The following PACRG variants were observed in gnomAD, a reference collection of about 807,000 sequenced individuals.
PACRG encodes the protein parkin coregulated gene protein.
In PACRG, 29 loss-of-function variants were observed where a neutral mutation model predicts 29.7. That is an observed-to-expected ratio of 0.98 (90% CI 0.73 to 1.33). The LOEUF is 1.33. PACRG is among the 40% of genes most tolerant of loss of function. The probability of loss-of-function intolerance (pLI) is 0.00; values close to 1 mark genes in which losing one functional copy is unlikely to be tolerated. For synonymous variants in PACRG, 116 were observed against 118.7 expected (o/e 0.98, Z 0.15); for missense variants, 279 against 316.2 (o/e 0.88, Z 0.89).
chr6:162,877,577 A>C (rs1484670033), intron 2 of PACRG, among the ~76,000 whole-genome samples: 1 of 151,484 alleles, frequency 6.6e-6, no homozygotes, highest in Non-Finnish European at 1.5e-5. Flanking sequence ...CAGAACTTAA[A>C]ATATAATAAT....
chr6:163,173,728 A>G (rs73784519), intron 4 of PACRG, among the ~76,000 whole-genome samples: 15,192 of 152,212 alleles, frequency 0.1, 1,765 homozygotes, highest in African/African-American at 0.28. Context: ...TCCACCCTGA[A>G]AACTAGAGGG....
At chr6:163,241,017 G>A (rs1050117954) in intron 4 of PACRG, among the ~76,000 whole-genome samples, 1 of 152,096 alleles carries the variant, frequency 6.6e-6, no homozygotes, top group Non-Finnish European at 1.5e-5. Context: ...TTCTCAAAAG[G>A]CAACTCAAGT....
At chr6:162,981,244 C>A (rs1447951384) in intron 2 of PACRG, among the ~76,000 whole-genome samples, 4 of 150,256 alleles carry the variant, frequency 2.7e-5, no homozygotes, top group Non-Finnish European at 4.4e-5. Flanking sequence ...GAGTAGTATT[C>A]CATGGTGTAT....
chr6:162,936,918 A>G (rs920129507), intron 2 of PACRG, among the ~76,000 whole-genome samples: 1 of 152,182 alleles, frequency 6.6e-6, no homozygotes, highest in African/African-American at 2.4e-5. Context: ...TAAGCATTCA[A>G]TAGAGAGAGG....
intron 4 of PACRG, among the ~76,000 whole-genome samples, chr6:163,241,157 T>C (rs374975861): frequency 1.1e-4 from 16 of 152,290 alleles, no homozygotes; most frequent in African/African-American, 3.9e-4. Flanking sequence ...TAAATTTCAT[T>C]ACCTGAGAGA....
intron 4 of PACRG, among the ~76,000 whole-genome samples, chr6:163,199,449 C>A (rs1223722205): frequency 1.3e-5 from 2 of 152,194 alleles, no homozygotes; most frequent in East Asian, 3.9e-4. Flanking sequence ...AGGCTCATGA[C>A]AACCCTATAA....
At chr6:163,217,216 A>G (rs1020007340) in intron 4 of PACRG, among the ~76,000 whole-genome samples, 1 of 152,206 alleles carries the variant, frequency 6.6e-6, no homozygotes, top group Non-Finnish European at 1.5e-5. Context: ...GTGCAGCCCG[A>G]TTGTTGTAGG....
chr6:163,032,106 TAGAG>T (rs1274103667), intron 2 of PACRG, among the ~76,000 whole-genome samples: 4 of 152,200 alleles, frequency 2.6e-5, no homozygotes, highest in Non-Finnish European at 5.9e-5. Flanking sequence ...AGAAATCAGA[TAGAG>T]AGAAACAAAT....
At position 163,272,334 on chromosome 6, in the gene PACRG, G is replaced by T. The variant is rs114181021; in HGVS notation, c.614-42493G>T. Among the ~76,000 whole-genome samples the T allele has an allele frequency of 6.7e-3, 1,014 of 152,190 alleles. 12 individuals are homozygous for T. Among genetic ancestry groups the T allele is most frequent in the African/African-American group, 0.023 (968 of 41,528 alleles). ...TTACAGGCGTAAGCCACCGCGCCCG[G>T]CCTGTGTATTAATTTTCAACCCTAC... On this transcript the variant is annotated intron_variant, in intron 4 of 4. Coordinates refer to ENST00000366888, the MANE Select transcript of PACRG (RefSeq NM_001080379.2).
At chr6:162,867,657 C>T (rs1198916502) in intron 2 of PACRG, among the ~76,000 whole-genome samples, 3 of 152,210 alleles carry the variant, frequency 2.0e-5, no homozygotes, top group Non-Finnish European at 2.9e-5. Flanking sequence ...TGTATTTCTC[C>T]TCCAGCAACT....
chr6:163,152,924 G>A (rs1420592813), intron 4 of PACRG, among the ~76,000 whole-genome samples: 3 of 152,114 alleles, frequency 2.0e-5, no homozygotes, highest in East Asian at 1.9e-4. Flanking sequence ...AGTGAGCTCC[G>A]GAGGGTAAAA....
At chr6:162,969,158 T>C (rs184788499) in intron 2 of PACRG, among the ~76,000 whole-genome samples, 1 of 152,094 alleles carries the variant, frequency 6.6e-6, no homozygotes, top group South Asian at 2.1e-4. Context: ...TATTCACTTA[T>C]GTAGTACTTG....
chr6:163,294,230 A>T (rs1784711416), intron 4 of PACRG, among the ~76,000 whole-genome samples: 1 of 152,210 alleles, frequency 6.6e-6, no homozygotes, highest in Non-Finnish European at 1.5e-5. Flanking sequence ...GAAAGTTAAT[A>T]TGCTATAATA....
intron 2 of PACRG, among the ~76,000 whole-genome samples, chr6:162,857,148 C>A (rs1358849264): frequency 6.6e-6 from 1 of 152,152 alleles, no homozygotes; most frequent in African/African-American, 2.4e-5. Flanking sequence ...AGCCTTTGAG[C>A]TCCGGAATAG....
intron 4 of PACRG, among the ~76,000 whole-genome samples, chr6:163,223,306 A>C (rs1585346837): frequency 1.3e-5 from 2 of 152,300 alleles, no homozygotes; most frequent in Middle Eastern, 6.8e-3. Context: ...AGGCAGGAGA[A>C]TCCCTTGAAC....
At chr6:162,969,046 C>CAAAAAAAA (rs35665491) in intron 2 of PACRG, among the ~76,000 whole-genome samples, 1,921 of 72,630 alleles carry the variant, frequency 0.026, 218 homozygotes, top group Middle Eastern at 0.066. Context: ...GACTCTATCA[C>CAAAAAAAA]AAAAAAAAAA....
intron 2 of PACRG, among the ~76,000 whole-genome samples, chr6:162,896,068 G>A (rs1354635158): frequency 6.6e-6 from 1 of 152,224 alleles, no homozygotes; most frequent in Non-Finnish European, 1.5e-5. Context: ...GGCCTGTGTA[G>A]AGAAGGATTG....
chr6:163,108,314 A>G (rs1350669339), intron 4 of PACRG, among the ~76,000 whole-genome samples: 1 of 151,174 alleles, frequency 6.6e-6, no homozygotes, highest in Non-Finnish European at 1.5e-5. Flanking sequence ...CTACCATTGT[A>G]AGTTTCCTGA....
At chr6:162,950,597 T>A (rs1455420319) in intron 2 of PACRG, among the ~76,000 whole-genome samples, 1 of 152,186 alleles carries the variant, frequency 6.6e-6, no homozygotes, top group Admixed American at 6.5e-5. Flanking sequence ...CATCTCCAAA[T>A]TAAAATATGG....
Sources: allele counts gnomAD v4.1 joint callset (sites outside exome capture counted in the v4.1 genomes callset), GRCh38; gene constraint gnomAD v4.1.1; transcripts MANE v1.5; gene names NCBI Gene and HGNC (gene_info 2026-07-23, HGNC 2026-07-21).